HERC2: variants seen among roughly 807,000 people sequenced by gnomAD.
HERC2 encodes the protein HECT and RLD domain containing E3 ubiquitin protein ligase 2.
A neutral mutation model predicts 537.7 loss-of-function variants in HERC2; 102 were observed. The observed-to-expected ratio is 0.19, with a 90% CI of 0.16 to 0.22. The LOEUF is 0.22. Among genes scored for constraint, HERC2 ranks in the 10% least tolerant of loss-of-function variants. HERC2 has a pLI of 1.00. For missense variants in HERC2, 4,236 were observed against 6,198.2 expected (o/e 0.68, Z 10.63); for synonymous variants, 2,224 against 2,466.2 (o/e 0.90, Z 2.91).
At chr15:28,223,761 CAAG>C (rs1567036779) in intron 35 of HERC2, among the ~76,000 whole-genome samples, 1 of 152,110 alleles carries the variant, frequency 6.6e-6, no homozygotes, top group African/African-American at 2.4e-5. Flanking sequence ...TCTTAAATGA[CAAG>C]AAGGATACCC....
In HERC2 at chr15:28,130,590, T is replaced by C; in HGVS notation, c.12575A>G (p.Asp4192Gly). The C allele has an allele frequency of 6.2e-7, 1 of 1,611,850 alleles. No individual in the cohort carries two copies. The highest frequency in any genetic ancestry group is 8.5e-7 in the Non-Finnish European group (1 of 1,178,034). The change falls in exon 82 of 93, where the codon GAT (aspartate) becomes GGT (glycine). Residue 4192 changes from aspartate (D) to glycine (G), a missense_variant. By Grantham distance (94) the Asp-to-Gly change is moderately conservative. This residue lies in a region of HERC2 where 38 missense variants were observed against 36.7 expected (regional missense o/e 1.04). Coordinates refer to ENST00000261609, the MANE Select transcript of HERC2 (RefSeq NM_004667.6). ...AACTACTCCAAGACCAGTAAGAGAA[T>C]CAATCTAGAGGGGGAAAAGGTTCAA... ...SDGCKVPMKI[D>G]SLTGLGVVKV...
intron 35 of HERC2, among the ~76,000 whole-genome samples, chr15:28,226,259 T>C (rs2140552677): frequency 6.6e-6 from 1 of 152,314 alleles, no homozygotes; most frequent in African/African-American, 2.4e-5. Context: ...ATGGTCTTTT[T>C]TGCAGATATG....
Position 28,256,175 on chromosome 15 carries a change from TG to T in HERC2, c.2659del (p.Gln887ArgfsTer35). The stretch of plus-strand genomic sequence containing the variant: ...GGACCAGCCACTCTGCAGCACGGCC[TG>T]GGCGGCCGACTGCACGGTGCTCAGC... ...GVLSTVQSAA[Q>X]AVLQSGWSVL... is the part of the protein sequence containing the mutation. On this transcript the variant is annotated frameshift_variant, in exon 18 of 93. Transcript: ENST00000261609. LOFTEE classifies it high-confidence loss of function. The T allele has an allele frequency of 6.2e-7, 1 of 1,601,666 alleles. No individual in the cohort carries two copies.
At chr15:28,186,813 T>C in intron 55 of HERC2, 61 bp from the exon 56 acceptor site, 1 of 1,248,454 alleles carries the variant, frequency 8.0e-7, no homozygotes, top group Non-Finnish European at 1.2e-6. Flanking sequence ...ATCCTCTAAC[T>C]GGAGAACGGG....
In HERC2 at chr15:28,177,148, C is replaced by A. The variant is rs780884740; in HGVS notation, c.9255-21G>T. ...AGTTCCTACAACAAGATGAAATCAG[C>A]TCTCTACAGTCAATCTGTCCCTTCT... On this transcript the variant is annotated intron_variant, in intron 60 of 92. Coordinates refer to ENST00000261609, the MANE Select transcript of HERC2 (RefSeq NM_004667.6). The surrounding 1 kb of genome is among the most constrained non-coding windows in gnomAD (Gnocchi z 5.0). The A allele has an allele frequency of 5.0e-6, 8 of 1,601,190 alleles. No homozygotes were observed. In the Admixed American group the frequency reaches 1.0e-4, roughly 20 times the overall value.
At chr15:28,301,886 G>A (rs1017139985) in intron 2 of HERC2, among the ~76,000 whole-genome samples, 1 of 144,588 alleles carries the variant, frequency 6.9e-6, no homozygotes, top group Admixed American at 7.1e-5. Context: ...TGCAACCTTT[G>A]CCTTTTGGGT....
At chr15:28,319,789 T>C (rs1009491594) in intron 2 of HERC2, among the ~76,000 whole-genome samples, 4 of 152,136 alleles carry the variant, frequency 2.6e-5, no homozygotes, top group African/African-American at 9.7e-5. Context: ...CTAGAACTCA[T>C]GTTTAGCAGT....
At chr15:28,209,700 T>A (rs574378909) in intron 44 of HERC2, among the ~76,000 whole-genome samples, 1 of 152,148 alleles carries the variant, frequency 6.6e-6, no homozygotes, top group African/African-American at 2.4e-5. Context: ...TATATGCAAA[T>A]ACTACACCAT....
In HERC2 at chr15:28,238,806, T is replaced by C. The variant is rs766048890; in HGVS notation, c.3578-34A>G. On this transcript the variant is annotated intron_variant, in intron 23 of 92. Coordinates refer to ENST00000261609, the MANE Select transcript of HERC2 (RefSeq NM_004667.6). ...ACAGAAACCAGAATCAGTCCATTGA[T>C]CAATCAACAGGTAAAATGAAAAGAA... The C allele has an allele frequency of 3.5e-5, 51 of 1,454,288 alleles. No homozygotes were observed. The Admixed American group carries it at 7.9e-4, about 22-fold the overall frequency. 90.1% of individuals were successfully genotyped at this position (1,454,288 alleles called of 1,614,324 possible).
rs560002118 is a variant in HERC2 at position 28,291,939 on chromosome 15, G to T, written c.322+949C>A. 8.1e-3 allele frequency among the ~76,000 whole-genome samples: 1,128 copies of T among 139,654 alleles called. 13 individuals are homozygous for T. Among genetic ancestry groups the T allele is most frequent in the Middle Eastern group, 0.039 (10 of 258 alleles). The allele number at this position is 139,654 out of a possible 152,430, so 91.6% of individuals were successfully genotyped here. ...AAAAAAAAAAAAAAAAAAAAAAGAG[G>T]CAAAAGGGCCAGGTGCAGTGGCTCA... On this transcript the variant is annotated intron_variant, in intron 4 of 92. Coordinates refer to ENST00000261609, the MANE Select transcript of HERC2 (RefSeq NM_004667.6).
intron 27 of HERC2, 77 bp from the exon 28 acceptor site, chr15:28,233,873 T>G: frequency 1.4e-6 from 2 of 1,393,102 alleles, no homozygotes; most frequent in Non-Finnish European, 2.0e-6. Flanking sequence ...CCACAGCTTC[T>G]GACGCACTTG....
chr15:28,132,632 C>T, intron 80 of HERC2, 21 bp downstream of exon 80: 1 of 1,441,998 alleles, frequency 6.9e-7, no homozygotes, highest in Non-Finnish European at 9.2e-7. Context: ...CCTCCGGCCT[C>T]TGCACACGGC....
chr15:28,312,194 TGGA>T (rs2076963411), intron 2 of HERC2, among the ~76,000 whole-genome samples: 1 of 152,410 alleles, frequency 6.6e-6, no homozygotes, highest in Non-Finnish European at 1.5e-5. Flanking sequence ...CAAGCCTCAC[TGGA>T]GGAGGTCTCC....
intron 85 of HERC2, 65 bp from the exon 86 acceptor site, chr15:28,121,494 A>G (rs1469050912): frequency 7.7e-7 from 1 of 1,290,896 alleles, no homozygotes; most frequent in African/African-American, 1.5e-5. Context: ...TGAAGAAATC[A>G]TCACATAGTT....
At chr15:28,251,475 TA>T (rs60222071) in intron 20 of HERC2, among the ~76,000 whole-genome samples, 32,196 of 131,186 alleles carry the variant, frequency 0.25, 6,913 homozygotes, top group African/African-American at 0.57. Context: ...TCACATTAAG[TA>T]AAAAAAAAAA....
In HERC2 at chr15:28,247,671, G is replaced by A. The variant is rs556473773; in HGVS notation, c.3236-774C>T. ...TCTTGAACTCCTGACCTTGTGATCC[G>A]CCCACCTTGGCCTCCCAAAGTGCTG... is the stretch of plus-strand genomic sequence containing the variant. On this transcript the variant is annotated intron_variant, in intron 21 of 92. Transcript: ENST00000261609. 8.6e-5 allele frequency among the ~76,000 whole-genome samples: 13 copies of A among 151,814 alleles called. No homozygotes were observed. The East Asian group carries it at 1.4e-3, about 16-fold the overall frequency.
chr15:28,117,379 T>A, intron 86 of HERC2: 1 of 700,846 alleles, frequency 1.4e-6, no homozygotes, highest in Non-Finnish European at 2.6e-6. Flanking sequence ...TCGCCAGTGA[T>A]GTGCCCAGCA....
intron 79 of HERC2, 137 bp downstream of exon 79, chr15:28,135,341 T>C (rs948391936): frequency 3.0e-5 from 21 of 703,294 alleles, no homozygotes; most frequent in African/African-American, 2.7e-4. Context: ...TTCTGCCAAA[T>C]GAGTCATTAA....
intron 2 of HERC2, among the ~76,000 whole-genome samples, chr15:28,313,191 CAT>C (rs1491231829): frequency 2.8e-4 from 22 of 78,894 alleles, no homozygotes; most frequent in Non-Finnish European, 4.9e-4. Context: ...ACAGTTAAGG[CAT>C]TTTTTTTTTT....
Sources: gnomAD v4.1 joint callset for allele counts (sites outside exome capture counted in the v4.1 genomes callset) on GRCh38, gnomAD v4.1.1 for gene constraint, gnomAD v4.1.1 regional missense constraint, Gnocchi (gnomAD v3.1) non-coding constraint, MANE v1.5 for transcripts, NCBI Gene and HGNC (gene_info 2026-07-23, HGNC 2026-07-21) for gene names.